The following DMD variants were observed in gnomAD, a reference collection of about 807,000 sequenced individuals.
DMD encodes mutant dystrophin.
In DMD, 63 loss-of-function variants were observed where a neutral mutation model predicts 330.1. That is an observed-to-expected ratio of 0.19 (90% CI 0.16 to 0.24). The LOEUF is 0.24. Among genes scored for constraint, DMD ranks in the 10% least tolerant of loss-of-function variants. The probability of loss-of-function intolerance (pLI) is 1.00; values close to 1 mark genes in which losing one functional copy is unlikely to be tolerated. For missense variants in DMD, 3,344 were observed against 2,684.1 expected, an observed-to-expected ratio of 1.25 and a Z score of -5.43; for synonymous variants, 1,223 against 959.8, an observed-to-expected ratio of 1.27 and a Z score of -5.07.
intron 1 of DMD, among the ~76,000 whole-genome samples, chrX:33,137,743 C>CT (rs2095535789): frequency 9.0e-6 from 1 of 111,111 alleles, no homozygotes; most frequent in African/African-American, 3.3e-5. Context: ...AGAAATGACC[C>CT]TTTTTTGGAA....
chrX:31,315,620 C>T (rs1356919959), intron 62 of DMD, among the ~76,000 whole-genome samples: 1 of 111,945 alleles, frequency 8.9e-6, no homozygotes, highest in Non-Finnish European at 1.9e-5. Flanking sequence ...CTCACATTTC[C>T]AAAAGTGCCA....
intron 64 of DMD, among the ~76,000 whole-genome samples, chrX:31,217,066 G>C (rs970682844): frequency 1.8e-5 from 2 of 111,761 alleles, no homozygotes; most frequent in African/African-American, 3.3e-5. Context: ...TTTTATTTCT[G>C]CTCTTACAAG....
chrX:31,885,294 A>T (rs1347261069), intron 47 of DMD, among the ~76,000 whole-genome samples: 1 of 111,140 alleles, frequency 9.0e-6, no homozygotes, highest in Non-Finnish European at 1.9e-5. Context: ...CCCAAAACAT[A>T]CTTTCCAGTA....
At chrX:33,027,165 G>A (rs1308880077) in intron 1 of DMD, among the ~76,000 whole-genome samples, 1 of 112,095 alleles carries the variant, frequency 8.9e-6, no homozygotes, top group Non-Finnish European at 1.9e-5. Context: ...TTGATAGGGA[G>A]ATTATCCCAG....
At position 31,630,319 on chromosome X, in the gene DMD, T is replaced by A. The variant is rs192301486; in HGVS notation, c.8028-2457A>T. On this transcript the variant is annotated intron_variant, in intron 54 of 78. Transcript: ENST00000357033. ...AATGATACCCTTGTGGTCTGAAATA[T>A]TGACAACATCAGGCTGAATATTTTC... Among the ~76,000 whole-genome samples the A allele has an allele frequency of 6.9e-3, 774 of 112,174 alleles. 5 individuals carry two copies. Among genetic ancestry groups the A allele is most frequent in the African/African-American group, 0.024 (745 of 30,899 alleles).
At chrX:31,749,175 G>T (rs1289190049) in intron 51 of DMD, among the ~76,000 whole-genome samples, 3 of 108,196 alleles carry the variant, frequency 2.8e-5, no homozygotes, top group African/African-American at 1.0e-4. Context: ...TAAGTTTTAG[G>T]GTACATGTGC....
At position 32,191,392 on chromosome X, in the gene DMD, C is replaced by G. The variant is rs191906368; in HGVS notation, c.6438+25524G>C. Among the ~76,000 whole-genome samples, 4 of 112,198 alleles carry G rather than the reference C, an allele frequency of 3.6e-5. No homozygotes were observed. The East Asian group carries it at 1.1e-3, about 32-fold the overall frequency. On this transcript the variant is annotated intron_variant, in intron 44 of 78. Transcript: ENST00000357033. ...GTATGAACAACTAACTAACTTCCAA[C>G]TTTTCTCTGACTGGTTTAAAATCTC...
At chrX:31,710,832 T>C (rs1438665563) in intron 52 of DMD, among the ~76,000 whole-genome samples, 1 of 111,584 alleles carries the variant, frequency 9.0e-6, no homozygotes, top group East Asian at 2.8e-4. Flanking sequence ...AACTCTGCTA[T>C]ATGATATGAA....
chrX:31,676,589 C>A (rs2082092288), intron 53 of DMD, among the ~76,000 whole-genome samples: 1 of 111,203 alleles, frequency 9.0e-6, no homozygotes, highest in South Asian at 3.8e-4. Flanking sequence ...GGTTTTCTTG[C>A]TTTGTTTTAG....
At chrX:32,357,669 A>C (rs1261066273) in intron 37 of DMD, among the ~76,000 whole-genome samples, 1 of 75,416 alleles carries the variant, frequency 1.3e-5, no homozygotes, top group African/African-American at 6.9e-5. Context: ...ATACACACAC[A>C]CACACACACA....
chrX:32,428,726 C>T (rs748743612), intron 29 of DMD, among the ~76,000 whole-genome samples: 2 of 111,324 alleles, frequency 1.8e-5, no homozygotes, highest in Non-Finnish European at 3.8e-5. Context: ...ATTCTCCCAC[C>T]TCAGCCTCCC....
intron 49 of DMD, among the ~76,000 whole-genome samples, chrX:31,832,031 T>C (rs1292617273): frequency 8.9e-6 from 1 of 112,825 alleles, no homozygotes; most frequent in African/African-American, 3.2e-5. Context: ...GGCATGGAAA[T>C]TGTGCTCAAT....
At position 32,199,723 on chromosome X, in the gene DMD, C is replaced by T. The variant is rs1257744805; in HGVS notation, c.6438+17193G>A. Among the ~76,000 whole-genome samples the T allele has an allele frequency of 2.8e-5, 3 of 108,909 alleles. No individual in the cohort carries two copies. In the Admixed American group the frequency reaches 3.0e-4, roughly 11 times the overall value. 94.6% of individuals were successfully genotyped at this position (108,909 alleles called of 115,157 possible). A position where few individuals can be genotyped will look rare whatever the true frequency, so the allele number is the denominator to read the frequency against. On this transcript the variant is annotated intron_variant, in intron 44 of 78. Coordinates refer to ENST00000357033, the MANE Select transcript of DMD (RefSeq NM_004006.3). The stretch of plus-strand genomic sequence containing the variant: ...CTGTCTCCCAGGTTCAAGCAATCTT[C>T]CCGCCTCAGCCTCCTGAGTAGCTGG...
intron 55 of DMD, among the ~76,000 whole-genome samples, chrX:31,576,085 C>G (rs1041845910): frequency 8.9e-6 from 1 of 111,919 alleles, no homozygotes; most frequent in Admixed American, 9.5e-5. Flanking sequence ...AGACTTCTCA[C>G]GCACCTTTTA....
At chrX:31,885,558 C>T (rs1170333369) in intron 47 of DMD, among the ~76,000 whole-genome samples, 3 of 98,874 alleles carry the variant, frequency 3.0e-5, no homozygotes, top group Non-Finnish European at 6.0e-5. Context: ...TGCAGTGAGC[C>T]GAGATCGCGC....
intron 1 of DMD, among the ~76,000 whole-genome samples, chrX:33,203,611 T>C (rs896223335): frequency 3.6e-5 from 4 of 110,589 alleles, no homozygotes; most frequent in Admixed American, 1.9e-4. Context: ...GACCTCTTTA[T>C]GGAAATATTA....
At chrX:32,875,245 T>G (rs1261065388) in intron 2 of DMD, among the ~76,000 whole-genome samples, 1 of 111,510 alleles carries the variant, frequency 9.0e-6, no homozygotes, top group Non-Finnish European at 1.9e-5. Flanking sequence ...TGATTTACTA[T>G]TGCCTATGTT....
intron 52 of DMD, among the ~76,000 whole-genome samples, chrX:31,714,003 G>A (rs1002201800): frequency 9.0e-6 from 1 of 111,698 alleles, no homozygotes; most frequent in Non-Finnish European, 1.9e-5. Flanking sequence ...TGATTTCTTT[G>A]TGTAAATTAG....
intron 55 of DMD, among the ~76,000 whole-genome samples, chrX:31,556,813 A>G (rs2074868436): frequency 8.9e-6 from 1 of 112,446 alleles, no homozygotes; most frequent in South Asian, 3.6e-4. Flanking sequence ...ATTTAAATAA[A>G]TAATATTCAG....
Sources: allele counts gnomAD v4.1 joint callset (sites outside exome capture counted in the v4.1 genomes callset), GRCh38; gene constraint gnomAD v4.1.1; transcripts MANE v1.5; gene names NCBI Gene and HGNC (gene_info 2026-07-23, HGNC 2026-07-21).